The following NUGGC variants were observed in gnomAD, a reference collection of about 807,000 sequenced individuals.
The protein encoded by NUGGC is nuclear GTPase SLIP-GC.
Under a neutral mutation model 92.6 loss-of-function variants are expected in NUGGC, and 58 were observed. The ratio of observed to expected loss-of-function variants is 0.63; its 90% CI spans 0.51 to 0.78. The LOEUF is 0.78. Among genes scored for constraint, NUGGC ranks in the 30% least tolerant of loss-of-function variants. The pLI is 0.00. For synonymous variants in NUGGC, 376 were observed against 366.4 expected, an observed-to-expected ratio of 1.03 and a Z score of -0.30; for missense variants, 925 against 964.6, an observed-to-expected ratio of 0.96 and a Z score of 0.54.
At chr8:28,045,479 G>A in intron 12 of NUGGC, 48 bp downstream of exon 12, 1 of 1,569,312 alleles carries the variant, frequency 6.4e-7, no homozygotes, top group South Asian at 1.2e-5. Context: ...AAAAGGAAAT[G>A]TCCTGCCCAG....
chr8:28,057,299 A>G (rs1810167278), intron 9 of NUGGC, among the ~76,000 whole-genome samples: 1 of 148,398 alleles, frequency 6.7e-6, no homozygotes, highest in African/African-American at 2.5e-5. Context: ...CGTATTGTAA[A>G]TGTATTTTCT....
At chr8:28,030,444 G>A (rs751174152) in intron 15 of NUGGC, 26 bp from the exon 16 acceptor site, 26 of 1,281,922 alleles carry the variant, frequency 2.0e-5, no homozygotes, top group Middle Eastern at 3.6e-4. Flanking sequence ...AAAAGAGGCC[G>A]TTGGTGACAA....
chr8:28,055,466 G>A (rs930246663), intron 10 of NUGGC, among the ~76,000 whole-genome samples: 4 of 152,010 alleles, frequency 2.6e-5, no homozygotes, highest in South Asian at 4.2e-4. Flanking sequence ...CAACAATCAC[G>A]GGAGATAGAT....
At chr8:28,034,360 T>C (rs771661008) in intron 13 of NUGGC, among the ~76,000 whole-genome samples, 1 of 152,250 alleles carries the variant, frequency 6.6e-6, no homozygotes, top group South Asian at 2.1e-4. Context: ...AGAGTAAAAA[T>C]GTGTTTGCTA....
At chr8:28,034,435 T>A (rs182151863) in intron 13 of NUGGC, among the ~76,000 whole-genome samples, 2 of 152,244 alleles carry the variant, frequency 1.3e-5, no homozygotes, top group Non-Finnish European at 2.9e-5. Flanking sequence ...AATGGCCACA[T>A]AGCATTGTAC....
At chr8:28,051,133 T>G (rs1266546550) in intron 10 of NUGGC, among the ~76,000 whole-genome samples, 1 of 152,142 alleles carries the variant, frequency 6.6e-6, no homozygotes, top group Non-Finnish European at 1.5e-5. Flanking sequence ...CCAATTATTA[T>G]TTTTAATGTT....
chr8:28,040,615 C>T (rs1050509273), intron 13 of NUGGC, among the ~76,000 whole-genome samples: 3 of 150,936 alleles, frequency 2.0e-5, no homozygotes, highest in African/African-American at 7.4e-5. Context: ...CTCCTAACCT[C>T]CTCTGGCTCT....
At chr8:28,044,154 T>C (rs1809768771) in intron 12 of NUGGC, among the ~76,000 whole-genome samples, 1 of 152,122 alleles carries the variant, frequency 6.6e-6, no homozygotes, top group African/African-American at 2.4e-5. Flanking sequence ...AGGGTCATCA[T>C]TGGCCCACCT....
At chr8:28,048,071 T>C (rs898749301) in intron 10 of NUGGC, among the ~76,000 whole-genome samples, 2 of 152,186 alleles carry the variant, frequency 1.3e-5, no homozygotes, top group African/African-American at 4.8e-5. Context: ...ATTGACAATG[T>C]TGGGACTGTT....
At chr8:28,081,904 A>ACG (rs1810860394) in intron 1 of NUGGC, among the ~76,000 whole-genome samples, 1 of 151,114 alleles carries the variant, frequency 6.6e-6, no homozygotes, top group Non-Finnish European at 1.5e-5. Context: ...ATCTTTGGTC[A>ACG]AGTTTTTTCT....
rs563017713 is a variant in NUGGC at position 28,060,496 on chromosome 8, G to C, written c.1027C>G (p.Arg343Gly). The C allele has an allele frequency of 6.2e-7, 1 of 1,613,728 alleles. No individual in the cohort carries two copies. Among genetic ancestry groups the C allele is most frequent in the African/African-American group, 1.3e-5 (1 of 74,892 alleles). ...AGGGCCACGTCCCTACAGAAGCCCCGCTGGCAGGCTTTGATGCTCTCATTC... is the reference window on the plus strand; with the variant it reads ...AGGGCCACGTCCCTACAGAAGCCCCCCTGGCAGGCTTTGATGCTCTCATTC... The part of the protein sequence containing the change: ...LLNESIKACQ[R>G]GFCRDVALVV... Residue 343 changes from arginine to glycine, a missense_variant, in exon 8 of 19, where the codon CGG (arginine) becomes GGG (glycine). Transcript: ENST00000413272.
chr8:28,055,282 G>T (rs1020116286), intron 10 of NUGGC, among the ~76,000 whole-genome samples: 2 of 151,974 alleles, frequency 1.3e-5, no homozygotes, highest in South Asian at 4.2e-4. Flanking sequence ...ATAAAATTCT[G>T]CTCAGAGGCT....
chr8:28,032,197 G>A (rs1487047433), intron 14 of NUGGC, among the ~76,000 whole-genome samples: 1 of 152,130 alleles, frequency 6.6e-6, no homozygotes, highest in Non-Finnish European at 1.5e-5. Context: ...TTAGCCCACA[G>A]AATTGTAAAC....
At chr8:28,049,669 C>T (rs1296405559) in intron 10 of NUGGC, among the ~76,000 whole-genome samples, 1 of 152,148 alleles carries the variant, frequency 6.6e-6, no homozygotes, top group Non-Finnish European at 1.5e-5. Flanking sequence ...TTAAATTATG[C>T]AACAGAAACA....
chr8:28,074,240 A>G, intron 2 of NUGGC, 128 bp downstream of exon 2: 1 of 700,420 alleles, frequency 1.4e-6, no homozygotes, highest in Non-Finnish European at 2.6e-6. Context: ...GTCACGAGAA[A>G]GCACCTTCTG....
At chr8:28,052,329 G>A (rs542692284) in intron 10 of NUGGC, among the ~76,000 whole-genome samples, 11 of 152,278 alleles carry the variant, frequency 7.2e-5, no homozygotes, top group Middle Eastern at 6.8e-3. Flanking sequence ...GGGCTGAAAT[G>A]TATCCCCCTC....
At chr8:28,035,673 C>T (rs1269970463) in intron 13 of NUGGC, among the ~76,000 whole-genome samples, 1 of 152,156 alleles carries the variant, frequency 6.6e-6, no homozygotes, top group Non-Finnish European at 1.5e-5. Context: ...GCAGCATTCT[C>T]TTGCTCAGAA....
At chr8:28,060,645 C>A (rs753814057) in intron 7 of NUGGC, 44 bp from the exon 8 acceptor site, 6 of 1,571,668 alleles carry the variant, frequency 3.8e-6, no homozygotes, top group Non-Finnish European at 5.2e-6. Flanking sequence ...GGAATGGAGT[C>A]ACAGTTCCTG....
Position 28,028,037 on chromosome 8 carries a change from A to G in NUGGC, c.2155-985T>C, listed in dbSNP as rs533608777. 1.3e-4 allele frequency among the ~76,000 whole-genome samples: 19 copies of G among 151,530 alleles called. No homozygotes were observed. In the East Asian group the frequency reaches 3.3e-3, roughly 26 times the overall value. On this transcript the variant is annotated intron_variant, in intron 17 of 18. Transcript: ENST00000413272. ...GTGTAGAACTAAAATATTTTAAAAA[A>G]CTAAAAGTTAACTGGCGTTCTTTAA...
Sources: gnomAD v4.1 joint callset for allele counts (sites outside exome capture counted in the v4.1 genomes callset) on GRCh38, gnomAD v4.1.1 for gene constraint, MANE v1.5 for transcripts, NCBI Gene and HGNC (gene_info 2026-07-23, HGNC 2026-07-21) for gene names.